Variants in ATP2A3 observed in about 807,000 individuals in gnomAD.
ATP2A3 encodes ATPase sarcoplasmic/endoplasmic reticulum Ca2+ transporting 3.
A neutral mutation model predicts 106.8 loss-of-function variants in ATP2A3; 61 were observed. The ratio of observed to expected loss-of-function variants is 0.57; its 90% CI spans 0.46 to 0.71. The LOEUF (loss-of-function observed/expected upper bound fraction) is 0.71. Among genes scored for constraint, ATP2A3 ranks in the 30% least tolerant of loss-of-function variants. The pLI, the probability that ATP2A3 is intolerant of heterozygous loss-of-function variation, is 0.00. For synonymous variants in ATP2A3, 611 were observed against 609.3 expected, an observed-to-expected ratio of 1.00 and a Z score of -0.04; for missense variants, 1,201 against 1,423.5, an observed-to-expected ratio of 0.84 and a Z score of 2.52.
chr17:3,942,444 C>T (rs904785362), intron 12 of ATP2A3, among the ~76,000 whole-genome samples, 162 bp downstream of exon 12: 2 of 152,178 alleles, frequency 1.3e-5, no homozygotes, highest in African/African-American at 4.8e-5. Context: ...CCAAGGGTGG[C>T]ACCAACCACC....
At chr17:3,935,314 C>T (rs770890145) in intron 16 of ATP2A3, 37 bp from the exon 17 acceptor site, 12 of 1,590,972 alleles carry the variant, frequency 7.5e-6, no homozygotes, top group South Asian at 2.2e-5. Flanking sequence ...TAGAGAATGG[C>T]GGTGGTTTTC....
At position 3,963,787 on chromosome 17, in the gene ATP2A3, C is replaced by T. The variant is rs536296921; in HGVS notation, c.118+387G>A. Among the ~76,000 whole-genome samples the T allele has an allele frequency of 1.9e-4, 29 of 152,356 alleles. No individual in the cohort carries two copies. The East Asian group carries it at 3.1e-3, about 16-fold the overall frequency. ...AGGCCGAGCCTGAGTCTCCGGCCGT[C>T]CCTCGCCCGCCGGTGTCTGCGCTGC... On this transcript the variant is annotated intron_variant, in intron 1 of 20. Coordinates refer to ENST00000397041, the MANE Select transcript of ATP2A3 (RefSeq NM_005173.4).
At chr17:3,963,380 C>T (rs2055245887) in intron 1 of ATP2A3, among the ~76,000 whole-genome samples, 1 of 152,256 alleles carries the variant, frequency 6.6e-6, no homozygotes, top group Non-Finnish European at 1.5e-5. Flanking sequence ...CTGTATTTTC[C>T]ACCCTCATGG....
In ATP2A3 at chr17:3,936,960, G is replaced by A. The variant is rs182956925; in HGVS notation, c.2321+456C>T. ...ACGAGTGTGTGCACAGTCACACGCC[G>A]GCACAAATCCTTCTGCTTGTACTCA... On this transcript the variant is annotated intron_variant, in intron 15 of 20. Transcript: ENST00000397041. This position sits in a 1 kb window ranked among gnomAD's most constrained non-coding sequence, Gnocchi z 5.4. The A allele has an allele frequency of 2.1e-4, 68 of 320,058 alleles. No individual in the cohort carries two copies. The highest frequency in any genetic ancestry group is 1.1e-3 in the Middle Eastern group (1 of 880). The allele number at this position is 320,058 out of a possible 1,614,324, so 19.8% of individuals were successfully genotyped here. A position where few individuals can be genotyped will look rare whatever the true frequency, so the allele number is the denominator to read the frequency against.
chr17:3,937,743 C>A (rs751243915), intron 14 of ATP2A3, 107 bp from the exon 15 acceptor site: 137 of 1,162,034 alleles, frequency 1.2e-4, no homozygotes, highest in Non-Finnish European at 1.6e-4. Flanking sequence ...CCAAAGGAAG[C>A]AGACAGTTAG....
intron 17 of ATP2A3, among the ~76,000 whole-genome samples, chr17:3,931,767 C>T (rs1040055515): frequency 6.6e-6 from 1 of 152,102 alleles, no homozygotes; most frequent in African/African-American, 2.4e-5. Flanking sequence ...GTGATCCGCC[C>T]GCCTTGGCCT....
chr17:3,959,615 C>T (rs12936332), intron 1 of ATP2A3, among the ~76,000 whole-genome samples: 22,015 of 152,254 alleles, frequency 0.14, 1,714 homozygotes, highest in Middle Eastern at 0.18. Flanking sequence ...CAGTTCCAGC[C>T]GGGAGAGGCA....
intron 1 of ATP2A3, among the ~76,000 whole-genome samples, chr17:3,957,946 C>T (rs1436488463): frequency 2.6e-5 from 4 of 152,294 alleles, no homozygotes; most frequent in South Asian, 2.1e-4. Context: ...GCCTCCGCCA[C>T]GGTGACCCCT....
chr17:3,954,260 AGCTGGGCCGGCCT>A (rs1213010987), intron 1 of ATP2A3, among the ~76,000 whole-genome samples: 1 of 151,912 alleles, frequency 6.6e-6, no homozygotes, highest in Non-Finnish European at 1.5e-5. Context: ...CAAGGTCTGC[AGCTGGGCCGGCCT>A]GCTGGGCCCC....
At chr17:3,942,507 C>G (rs1038682159) in intron 12 of ATP2A3, 99 bp downstream of exon 12, 46 of 1,518,506 alleles carry the variant, frequency 3.0e-5, no homozygotes, top group Admixed American at 1.9e-4. Context: ...GTAACCCAAC[C>G]CTGCCATTCA....
At chr17:3,954,364 C>T (rs1481286702) in intron 1 of ATP2A3, among the ~76,000 whole-genome samples, 1 of 152,004 alleles carries the variant, frequency 6.6e-6, no homozygotes, top group Non-Finnish European at 1.5e-5. Context: ...TGCAGTCCCC[C>T]CCAGGCCCTG....
Position 3,953,597 on chromosome 17 carries a change from G to T in ATP2A3, c.136+96C>A. 6.6e-7 allele frequency: 1 copy of T among 1,526,086 alleles called. No individual in the cohort carries two copies. The highest frequency in any genetic ancestry group is 8.9e-7 in the Non-Finnish European group (1 of 1,122,318). The allele number at this position is 1,526,086 out of a possible 1,614,324, so 94.5% of individuals were successfully genotyped here. On this transcript the variant is annotated intron_variant, in intron 2 of 20. Coordinates refer to ENST00000397041, the MANE Select transcript of ATP2A3 (RefSeq NM_005173.4). This position sits in a 1 kb window ranked among gnomAD's most constrained non-coding sequence, Gnocchi z 5.1. ...GGGTGATCCTGGGGAGCTCAGCAAG[G>T]CCTCACTCAGCGGGGAGAAGGAAGT...
rs183594815 is a variant in ATP2A3, at chr17:3,943,562, G to A, written c.1288-40C>T. 166 of 1,613,146 alleles carry A rather than the reference G, an allele frequency of 1.0e-4. 1 individual carries two copies. The highest frequency in any genetic ancestry group is 3.0e-5 in the Non-Finnish European group (35 of 1,179,576). Reference sequence around the variant, plus strand: ...GGGGATAGGGAGTGAGGGGCAGGCAGCCTCCAGCCCGCATCCCCAGCCTCA... The same window carrying A: ...GGGGATAGGGAGTGAGGGGCAGGCAACCTCCAGCCCGCATCCCCAGCCTCA... On this transcript the variant is annotated intron_variant, in intron 10 of 20. Coordinates refer to ENST00000397041, the MANE Select transcript of ATP2A3 (RefSeq NM_005173.4).
chr17:3,963,252 C>T (rs1368395490), intron 1 of ATP2A3, among the ~76,000 whole-genome samples: 1 of 152,238 alleles, frequency 6.6e-6, no homozygotes, highest in African/African-American at 2.4e-5. Context: ...CAGACCCAGG[C>T]TGCCCTCTGT....
intron 17 of ATP2A3, among the ~76,000 whole-genome samples, chr17:3,933,897 AC>A (rs2144329208): frequency 6.7e-6 from 1 of 149,648 alleles, no homozygotes; most frequent in South Asian, 2.1e-4. Flanking sequence ...GTCCTGCAAG[AC>A]CCCCTTTGGT....
chr17:3,926,978 A>G lies in ATP2A3; in HGVS notation c.2981-1537T>C. Reference sequence around the variant, plus strand: ...CCTGAGGACAATGTCCAGGGTCTCTACCTTGGCACTCAAGGCCCTTGCCCC... The same window carrying G: ...CCTGAGGACAATGTCCAGGGTCTCTGCCTTGGCACTCAAGGCCCTTGCCCC... On this transcript the variant is annotated intron_variant, in intron 20 of 20. Coordinates refer to ENST00000397041, the MANE Select transcript of ATP2A3 (RefSeq NM_005173.4). This position sits in a 1 kb window ranked among gnomAD's most constrained non-coding sequence, Gnocchi z 4.6. 2.0e-6 allele frequency: 2 copies of G among 985,266 alleles called. No individual in the cohort carries two copies. The highest frequency in any genetic ancestry group is 1.7e-5 in the African/African-American group (1 of 57,272). 61.0% of individuals were successfully genotyped at this position (985,266 alleles called of 1,614,324 possible). A position where few individuals can be genotyped will look rare whatever the true frequency, so the allele number is the denominator to read the frequency against.
intron 7 of ATP2A3, among the ~76,000 whole-genome samples, chr17:3,948,619 A>G (rs899195803): frequency 6.6e-6 from 1 of 152,286 alleles, no homozygotes; most frequent in South Asian, 2.1e-4. Flanking sequence ...AGGTCTCACT[A>G]TGTTGCTCAG....
chr17:3,925,983 A>G lies in ATP2A3; in HGVS notation c.2981-542T>C, dbSNP rs924096766. ...TTTCATGGTTCCTCACTGTCCTCAG[A>G]GTAAAGTCTAAGCCCGCCTGTAACC... On this transcript the variant is annotated intron_variant, in intron 20 of 20. Coordinates refer to ENST00000397041, the MANE Select transcript of ATP2A3 (RefSeq NM_005173.4). This position sits in a 1 kb window ranked among gnomAD's most constrained non-coding sequence, Gnocchi z 4.2. Among the ~76,000 whole-genome samples the G allele has an allele frequency of 2.0e-5, 3 of 151,668 alleles. No individual in the cohort carries two copies. The highest frequency in any genetic ancestry group is 7.3e-5 in the African/African-American group (3 of 41,242).
At chr17:3,934,188 T>G (rs1384355937) in intron 17 of ATP2A3, among the ~76,000 whole-genome samples, 1 of 152,066 alleles carries the variant, frequency 6.6e-6, no homozygotes, top group African/African-American at 2.4e-5. Flanking sequence ...CTTCCCAAAG[T>G]GCTGGGATTA....
Sources: allele counts gnomAD v4.1 joint callset (sites outside exome capture counted in the v4.1 genomes callset), GRCh38; gene constraint gnomAD v4.1.1; non-coding constraint Gnocchi (gnomAD v3.1); transcripts MANE v1.5; gene names NCBI Gene and HGNC (gene_info 2026-07-23, HGNC 2026-07-21).